The following SIPA1L1 variants were observed in gnomAD, a reference collection of about 807,000 sequenced individuals.
SIPA1L1 encodes signal-induced proliferation-associated 1-like protein 1.
A neutral mutation model predicts 162.7 loss-of-function variants in SIPA1L1; 26 were observed. The observed-to-expected ratio is 0.16, with a 90% confidence interval of 0.12 to 0.22. The LOEUF is 0.22. SIPA1L1 is among the 10% of genes least tolerant of loss of function. The pLI, the probability that SIPA1L1 is intolerant of heterozygous loss-of-function variation, is 1.00. For missense variants in SIPA1L1, 1,874 were observed against 2,241.0 expected (o/e 0.84, Z 3.31); for synonymous variants, 829 against 837.4 (o/e 0.99, Z 0.17).
chr14:71,715,717 A>C (rs2150091853), intron 17 of SIPA1L1, among the ~76,000 whole-genome samples: 1 of 152,188 alleles, frequency 6.6e-6, no homozygotes, highest in East Asian at 1.9e-4. Flanking sequence ...CTGCCTTAAC[A>C]ATTTTCTAGT....
intron 3 of SIPA1L1, among the ~76,000 whole-genome samples, chr14:71,516,894 A>G (rs138662822): frequency 2.9e-4 from 44 of 152,186 alleles, no homozygotes; most frequent in African/African-American, 9.9e-4. Context: ...AATTGCTTGA[A>G]CCTGGGAGGT....
At chr14:71,668,045 A>G (rs560770427) in intron 10 of SIPA1L1, among the ~76,000 whole-genome samples, 1 of 152,210 alleles carries the variant, frequency 6.6e-6, no homozygotes, top group Non-Finnish European at 1.5e-5. Flanking sequence ...AGCCTGGGCA[A>G]CAGAGTGAGA....
Position 71,646,270 on chromosome 14 carries a change from G to A in SIPA1L1, c.1819-4065G>A, listed in dbSNP as rs1016618186. 3.4e-4 allele frequency among the ~76,000 whole-genome samples: 52 copies of A among 150,788 alleles called. 1 individual carries two copies. Among genetic ancestry groups the A allele is most frequent in the Middle Eastern group, 3.5e-3 (1 of 288 alleles). ...CGGCTCACTGCAAGCTCAGCCTCCC[G>A]GGTTCACGCCATTCTCCTGCCTCAG... On this transcript the variant is annotated intron_variant, in intron 7 of 23. Transcript: ENST00000381232.
At chr14:71,476,310 A>G (rs2047844454) in intron 2 of SIPA1L1, among the ~76,000 whole-genome samples, 2 of 152,224 alleles carry the variant, frequency 1.3e-5, no homozygotes, top group South Asian at 4.1e-4. Flanking sequence ...GCTTTGTAAC[A>G]TCAGTGTCTC....
Position 71,377,583 on chromosome 14 carries a change from G to A in SIPA1L1, c.-465+56402G>A, listed in dbSNP as rs2039521398. Among the ~76,000 whole-genome samples, 1 of 152,182 alleles carries A rather than the reference G, an allele frequency of 6.6e-6. No individual in the cohort carries two copies. The highest frequency in any genetic ancestry group is 2.4e-5 in the African/African-American group (1 of 41,444). On this transcript the variant is annotated intron_variant, in intron 2 of 23. Coordinates refer to ENST00000381232, the MANE Select transcript of SIPA1L1 (RefSeq NM_001386936.1). The surrounding 1 kb of genome is among the most constrained non-coding windows in gnomAD (Gnocchi z 4.8). ...CACTTCCTACACGGGGTGGCGGCCG[G>A]GCAGAGGCTGCAATCTCAGCACTTT...
intron 2 of SIPA1L1, among the ~76,000 whole-genome samples, chr14:71,339,966 C>T (rs767485335): frequency 2.0e-5 from 3 of 152,198 alleles, no homozygotes; most frequent in Non-Finnish European, 4.4e-5. Flanking sequence ...TTATCTAATG[C>T]AGTCATCTGT....
intron 22 of SIPA1L1, among the ~76,000 whole-genome samples, chr14:71,737,315 G>A (rs146419064): frequency 1.9e-3 from 284 of 152,110 alleles, no homozygotes; most frequent in African/African-American, 6.2e-3. Context: ...TAGAAAATTC[G>A]GAGTCACTTA....
chr14:71,672,994 C>T (rs1352181714), intron 12 of SIPA1L1, among the ~76,000 whole-genome samples: 1 of 152,218 alleles, frequency 6.6e-6, no homozygotes, highest in East Asian at 1.9e-4. Context: ...TGCTTTTCTT[C>T]TATGTTCCAT....
intron 5 of SIPA1L1, among the ~76,000 whole-genome samples, chr14:71,608,419 T>C (rs546098857): frequency 6.6e-6 from 1 of 152,264 alleles, no homozygotes; most frequent in African/African-American, 2.4e-5. Flanking sequence ...ATAAGGAAAT[T>C]CATTTACATA....
intron 2 of SIPA1L1, among the ~76,000 whole-genome samples, chr14:71,506,248 G>A (rs552597318): frequency 3.3e-5 from 5 of 152,236 alleles, no homozygotes; most frequent in South Asian, 4.1e-4. Context: ...GTAGTAGAAT[G>A]TATATTTGTT....
intron 2 of SIPA1L1, among the ~76,000 whole-genome samples, chr14:71,470,213 A>G (rs2047343816): frequency 6.6e-6 from 1 of 152,236 alleles, no homozygotes; most frequent in Non-Finnish European, 1.5e-5. Flanking sequence ...GACAGTTACC[A>G]AATTACAGCC....
In SIPA1L1 at chr14:71,529,387, A is replaced by G. The variant is rs1270444979; in HGVS notation, c.-303+17A>G. The G allele has an allele frequency of 4.7e-6, 3 of 632,778 alleles. No homozygotes were observed. In the Middle Eastern group the frequency reaches 7.3e-4, roughly 154 times the overall value. The allele number at this position is 632,778 out of a possible 1,614,324, so 39.2% of individuals were successfully genotyped here. A position where few individuals can be genotyped will look rare whatever the true frequency, so the allele number is the denominator to read the frequency against. On this transcript the variant is annotated intron_variant, in intron 4 of 23. Transcript: ENST00000381232. ...AAGAATATAGTAAGTACTATGCCATACTTCCTATGACCTACCTGCTTTACA... is the reference window on the plus strand; with the variant it reads ...AAGAATATAGTAAGTACTATGCCATGCTTCCTATGACCTACCTGCTTTACA...
chr14:71,468,419 A>G (rs1255084343), intron 2 of SIPA1L1, among the ~76,000 whole-genome samples: 1 of 152,136 alleles, frequency 6.6e-6, no homozygotes, highest in Non-Finnish European at 1.5e-5. Context: ...GAAGCTTACA[A>G]TCATGGTGGA....
intron 7 of SIPA1L1, among the ~76,000 whole-genome samples, chr14:71,624,989 T>C (rs1164336024): frequency 6.6e-6 from 1 of 152,192 alleles, no homozygotes; most frequent in African/African-American, 2.4e-5. Context: ...CTTTTAGCAT[T>C]TTAGCCATAT....
chr14:71,483,626 C>G (rs990390718), intron 2 of SIPA1L1, among the ~76,000 whole-genome samples: 1 of 152,204 alleles, frequency 6.6e-6, no homozygotes, highest in Non-Finnish European at 1.5e-5. Context: ...ACCTAGACTA[C>G]TGATTTACCA....
intron 2 of SIPA1L1, among the ~76,000 whole-genome samples, chr14:71,464,876 G>A (rs1252233998): frequency 2.0e-5 from 3 of 152,152 alleles, no homozygotes; most frequent in Non-Finnish European, 4.4e-5. Flanking sequence ...CTCACTTCTA[G>A]GGGCCCGCCG....
At chr14:71,591,066 A>C (rs2035323578) in intron 5 of SIPA1L1, among the ~76,000 whole-genome samples, 1 of 152,166 alleles carries the variant, frequency 6.6e-6, no homozygotes, top group Admixed American at 6.6e-5. Context: ...GTGGAGGCAA[A>C]ATGGCCTCCA....
At chr14:71,391,298 G>C (rs1006259709) in intron 2 of SIPA1L1, among the ~76,000 whole-genome samples, 1 of 151,868 alleles carries the variant, frequency 6.6e-6, no homozygotes, top group Non-Finnish European at 1.5e-5. Context: ...GTAGAGATGG[G>C]GTTTCACCGT....
intron 2 of SIPA1L1, among the ~76,000 whole-genome samples, chr14:71,424,832 G>A (rs2043446443): frequency 6.6e-6 from 1 of 151,982 alleles, no homozygotes; most frequent in Admixed American, 6.6e-5. Flanking sequence ...AATTTGAGAG[G>A]GATTGGTGTT....
Sources: allele counts gnomAD v4.1 joint callset (sites outside exome capture counted in the v4.1 genomes callset), GRCh38; gene constraint gnomAD v4.1.1; non-coding constraint Gnocchi (gnomAD v3.1); transcripts MANE v1.5; gene names NCBI Gene and HGNC (gene_info 2026-07-23, HGNC 2026-07-21).